Variants in CBLN2 observed in about 807,000 individuals in gnomAD.
The protein encoded by CBLN2 is cerebellin 2 precursor.
A neutral mutation model predicts 15.0 loss-of-function variants in CBLN2; 7 were observed. The ratio of observed to expected loss-of-function variants is 0.47; its 90% CI spans 0.27 to 0.88. The LOEUF is 0.88. Ranked by LOEUF, CBLN2 falls within the 40% of genes least tolerant of loss-of-function variation. The pLI is 0.14. For missense variants in CBLN2, 242 were observed against 304.5 expected (o/e 0.79, Z 1.53); for synonymous variants, 149 against 135.2 (o/e 1.10, Z -0.71).
chr18:72,586,709 G>A (rs1044036822), intron 1 of CBLN2, among the ~76,000 whole-genome samples: 1 of 152,132 alleles, frequency 6.6e-6, no homozygotes, highest in Non-Finnish European at 1.5e-5. Flanking sequence ...GGTGAAAATG[G>A]AAATCTAGCT....
At chr18:72,540,105 A>G (rs658995) in intron 3 of CBLN2, 120,081 of 152,116 alleles carry the variant, frequency 0.79, 53,285 homozygotes, top group Non-Finnish European at 0.98. Context: ...GTTAAGACAA[A>G]CACCTCGGGA....
chr18:72,557,404 G>T (rs562148179), intron 1 of CBLN2, among the ~76,000 whole-genome samples: 1 of 152,224 alleles, frequency 6.6e-6, no homozygotes, highest in South Asian at 2.1e-4. Context: ...GCCCAGTAAT[G>T]GGATTGCTGA....
chr18:72,588,472 T>C (rs1025546711), intron 1 of CBLN2, among the ~76,000 whole-genome samples: 20 of 152,222 alleles, frequency 1.3e-4, no homozygotes, highest in Non-Finnish European at 2.5e-4. Context: ...ACCACCTCTA[T>C]CTAGTTCAAA....
intron 1 of CBLN2, among the ~76,000 whole-genome samples, chr18:72,613,086 T>A (rs893881141): frequency 6.6e-6 from 1 of 152,210 alleles, no homozygotes; most frequent in African/African-American, 2.4e-5. Flanking sequence ...TCTGTGTGTC[T>A]CTGTGTTCAC....
chr18:72,539,241 A>G lies in CBLN2; in HGVS notation c.358-469T>C, dbSNP rs1284681108. On this transcript the variant is annotated intron_variant, in intron 3 of 4. Coordinates refer to ENST00000269503, the MANE Select transcript of CBLN2 (RefSeq NM_182511.4). ...ATTCTGAATGGGTAGAGAAGCGGCT[A>G]TGGGGCAAGAGGCCAATTAAAGGAG... 2.5e-5 allele frequency: 4 copies of G among 161,992 alleles called. No homozygotes were observed. The South Asian group carries it at 6.7e-4, about 27-fold the overall frequency. The allele number at this position is 161,992 out of a possible 1,614,324, so 10.0% of individuals were successfully genotyped here. A position where few individuals can be genotyped will look rare whatever the true frequency, so the allele number is the denominator to read the frequency against.
intron 1 of CBLN2, among the ~76,000 whole-genome samples, chr18:72,601,012 G>A (rs2069544441): frequency 6.6e-6 from 1 of 152,208 alleles, no homozygotes; most frequent in South Asian, 2.1e-4. Context: ...ACCCACAGGA[G>A]TAAACGGGGA....
At chr18:72,591,404 C>T (rs998178560) in intron 1 of CBLN2, among the ~76,000 whole-genome samples, 18 of 151,994 alleles carry the variant, frequency 1.2e-4, no homozygotes, top group South Asian at 6.2e-4. Flanking sequence ...ATGGTATACA[C>T]GAGATATTTT....
chr18:72,624,579 G>T (rs567192991), intron 1 of CBLN2, among the ~76,000 whole-genome samples: 54 of 152,294 alleles, frequency 3.5e-4, no homozygotes, highest in African/African-American at 1.2e-3. Flanking sequence ...GACAGAGTTT[G>T]CAGTGAGTCA....
chr18:72,634,432 A>T (rs928160187), intron 1 of CBLN2, among the ~76,000 whole-genome samples: 6 of 152,094 alleles, frequency 3.9e-5, no homozygotes, highest in African/African-American at 1.4e-4. Context: ...GATACATATG[A>T]TACTGAGTTG....
At chr18:72,567,298 T>A (rs2069301494) in intron 1 of CBLN2, among the ~76,000 whole-genome samples, 1 of 151,224 alleles carries the variant, frequency 6.6e-6, no homozygotes, top group Admixed American at 6.6e-5. Context: ...TTTCTGGAGA[T>A]TAAAATGTGA....
At chr18:72,571,577 T>A (rs938955502) in intron 1 of CBLN2, among the ~76,000 whole-genome samples, 2 of 152,182 alleles carry the variant, frequency 1.3e-5, no homozygotes, top group Non-Finnish European at 2.9e-5. Flanking sequence ...CAATTAGCTG[T>A]ACATATTCTA....
upstream of CBLN2, among the ~76,000 whole-genome samples, chr18:72,548,752 T>C (rs1358341501): frequency 6.6e-6 from 1 of 152,208 alleles, no homozygotes; most frequent in Non-Finnish European, 1.5e-5. Flanking sequence ...TCTGACCTTG[T>C]GCACGCAGCA....
intron 1 of CBLN2, among the ~76,000 whole-genome samples, chr18:72,557,548 T>C (rs2069234063): frequency 6.6e-6 from 1 of 152,302 alleles, no homozygotes; most frequent in African/African-American, 2.4e-5. Context: ...ATGTGGTACA[T>C]ATACACCACG....
Position 72,541,980 on chromosome 18 carries a change from C to G in CBLN2, c.181G>C (p.Glu61Gln), listed in dbSNP as rs780738552. 1 of 1,606,250 alleles carries G rather than the reference C, an allele frequency of 6.2e-7. No homozygotes were observed. The highest frequency in any genetic ancestry group is 8.5e-7 in the Non-Finnish European group (1 of 1,179,490). ...AQNDTEPIVL[E>Q]GKCLVVCDSS... ...TCGCACACCACCAGGCACTTGCCCT[C>G]CAGCACGATGGGCTCCGTGTCGTTC... The change falls in exon 3 of 5, where the codon GAG becomes CAG. Residue 61 changes from glutamate to glutamine, a missense_variant. By Grantham distance (29) the Glu-to-Gln change is conservative. Transcript: ENST00000269503.
At chr18:72,631,852 G>C (rs191730468) in intron 1 of CBLN2, among the ~76,000 whole-genome samples, 5 of 152,188 alleles carry the variant, frequency 3.3e-5, no homozygotes, top group African/African-American at 1.2e-4. Context: ...ATGTAGCAGG[G>C]ATGAAGTCTG....
At chr18:72,630,664 C>A (rs895959660) in intron 1 of CBLN2, among the ~76,000 whole-genome samples, 3 of 151,660 alleles carry the variant, frequency 2.0e-5, no homozygotes, top group Admixed American at 2.0e-4. Context: ...AGCCTGTTGA[C>A]AGATATGATT....
chr18:72,598,944 T>G (rs559653106), intron 1 of CBLN2, among the ~76,000 whole-genome samples: 1 of 152,304 alleles, frequency 6.6e-6, no homozygotes, highest in South Asian at 2.1e-4. Context: ...AACGGTGTTG[T>G]AGGCAATTCA....
Position 72,542,039 on chromosome 18 carries a change from A to C in CBLN2, c.122T>G (p.Leu41Arg). The C allele has an allele frequency of 6.3e-7, 1 of 1,591,026 alleles. No individual in the cohort carries two copies. Among genetic ancestry groups the C allele is most frequent in the Non-Finnish European group, 8.5e-7 (1 of 1,176,694 alleles). ...CACGGGGCAGCAGGCGGGCAGTAGC[A>C]GCAACAGCAGGGCCAGCGCCACCCC... Reference protein sequence around the residue: ...CLGVALALLLLLLPACCPVRA... With the variant: ...CLGVALALLLRLLPACCPVRA... Residue 41 changes from leucine to arginine, a missense_variant, in exon 3 of 5, where the codon CTG (leucine) becomes CGG (arginine). Leu to Arg is a moderately radical substitution (Grantham distance 102). Around this residue, in one of 4 missense-constraint regions of CBLN2, gnomAD observed 96 missense variants for 83.8 expected, o/e 1.15. Transcript: ENST00000269503.
At chr18:72,558,150 A>C (rs572147911) in intron 1 of CBLN2, among the ~76,000 whole-genome samples, 1 of 152,172 alleles carries the variant, frequency 6.6e-6, no homozygotes. Context: ...TATGCTGACC[A>C]TGTGACTTAG....
Sources: allele counts gnomAD v4.1 joint callset (sites outside exome capture counted in the v4.1 genomes callset), GRCh38; gene constraint gnomAD v4.1.1; regional missense constraint gnomAD v4.1.1; transcripts MANE v1.5; gene names NCBI Gene and HGNC (gene_info 2026-07-23, HGNC 2026-07-21).